TJP2: variants seen among roughly 807,000 people sequenced by gnomAD.
TJP2 encodes tight junction protein 2, also known as Friedreich ataxia region gene X104 (tight junction protein ZO-2).
In TJP2, 91 loss-of-function variants were observed where a neutral mutation model predicts 133.1. The ratio of observed to expected loss-of-function variants is 0.68; its 90% confidence interval spans 0.58 to 0.81. TJP2 has a LOEUF of 0.81. Ranked by LOEUF, TJP2 falls within the 40% of genes least tolerant of loss-of-function variation. The pLI is 0.00. For missense variants in TJP2, 1,541 were observed against 1,565.6 expected (o/e 0.98, Z 0.26); for synonymous variants, 592 against 583.4 (o/e 1.01, Z -0.21).
At position 69,174,490 on chromosome 9, in the gene TJP2, G is replaced by A. The variant is rs900351259; in HGVS notation, c.60+58G>A. ...GAGGGTCGTGAGCGTGAGCGTGGGA[G>A]CGCTGGGGGCTCTGCTCGCGTGCTG... On this transcript the variant is annotated intron_variant, in intron 1 of 22. Coordinates refer to ENST00000377245, the MANE Select transcript of TJP2 (RefSeq NM_004817.4). 1.4e-5 allele frequency: 21 copies of A among 1,510,562 alleles called. No individual in the cohort carries two copies. The African/African-American group carries it at 1.9e-4, about 14-fold the overall frequency. The allele number at this position is 1,510,562 out of a possible 1,614,324, so 93.6% of individuals were successfully genotyped here.
intron 1 of TJP2, among the ~76,000 whole-genome samples, chr9:69,184,443 G>A (rs1259204123): frequency 6.6e-6 from 1 of 152,190 alleles, no homozygotes; most frequent in Non-Finnish European, 1.5e-5. Context: ...TAAAGCTCAT[G>A]TCTGAGGAAT....
At chr9:69,159,208 G>A (rs1208906508) in intron 2 of TJP2, among the ~76,000 whole-genome samples, 1 of 152,032 alleles carries the variant, frequency 6.6e-6, no homozygotes, top group African/African-American at 2.4e-5. Flanking sequence ...CCAGCTACTT[G>A]GGGGTGCTGA....
intron 2 of TJP2, among the ~76,000 whole-genome samples, chr9:69,156,782 G>T (rs1268161563): frequency 6.6e-6 from 1 of 151,924 alleles, no homozygotes; most frequent in Non-Finnish European, 1.5e-5. Flanking sequence ...GCCTCCCAAA[G>T]TGCTGGGATT....
chr9:69,149,041 C>G (rs1823349059), intron 1 of TJP2, among the ~76,000 whole-genome samples: 1 of 152,196 alleles, frequency 6.6e-6, no homozygotes, highest in South Asian at 2.1e-4. Flanking sequence ...TTTACATTAT[C>G]TCTCAATACT....
At position 69,123,836 on chromosome 9, in the gene TJP2, AGTTT is replaced by A. The variant is rs2133211958; in HGVS notation, c.-131+2116_-131+2119del. ...TAGGTGTCCTGTTGATACTGGGTTT[AGTTT>A]GTTTTTGTTTTTTAATTATTTTATT... On this transcript the variant is annotated intron_variant, in intron 1 of 5. Transcript: ENST00000423935. 2.6e-5 allele frequency among the ~76,000 whole-genome samples: 2 copies of A among 75,936 alleles called. 1 individual carries two copies. Among genetic ancestry groups the A allele is most frequent in the East Asian group, 7.8e-4 (2 of 2,552 alleles). The allele number at this position is 75,936 out of a possible 152,430, so 49.8% of individuals were successfully genotyped here.
chr9:69,228,990 T>TA lies in TJP2; in HGVS notation c.1454-193dup, dbSNP rs147262838. ...CCTTGCATTTTAGAGGTTCATTTTT[T>TA]ATCTCTTGTATTTTGAGAAACCATT... On this transcript the variant is annotated intron_variant, in intron 9 of 22. Transcript: ENST00000377245. 0.088 allele frequency among the ~76,000 whole-genome samples: 13,362 copies of TA among 152,302 alleles called. 677 individuals carry two copies. The highest frequency in any genetic ancestry group is 0.13 in the African/African-American group (5,389 of 41,546).
rs139016331 is a variant in TJP2 at position 69,250,025 on chromosome 9, T to G, written c.2991+540T>G. Among the ~76,000 whole-genome samples, 23 of 152,336 alleles carry G rather than the reference T, an allele frequency of 1.5e-4. No homozygotes were observed. In the East Asian group the frequency reaches 4.2e-3, roughly 28 times the overall value. On this transcript the variant is annotated intron_variant, in intron 20 of 22. Coordinates refer to ENST00000377245, the MANE Select transcript of TJP2 (RefSeq NM_004817.4). ...GGCTTATATCAAAAGATTATTTACC[T>G]TTAGTCAGAATCAGAGCTGTGACTC... is the stretch of plus-strand genomic sequence containing the variant.
intron 6 of TJP2, among the ~76,000 whole-genome samples, 193 bp downstream of exon 6, chr9:69,225,600 G>A (rs1829284682): frequency 6.6e-6 from 1 of 152,018 alleles, no homozygotes; most frequent in Non-Finnish European, 1.5e-5. Context: ...TTTAATGTCA[G>A]TTTAGAAAAC....
At chr9:69,147,925 C>CT (rs71951691) in intron 1 of TJP2, among the ~76,000 whole-genome samples, 49 of 143,816 alleles carry the variant, frequency 3.4e-4, no homozygotes, top group Non-Finnish European at 5.5e-4. Flanking sequence ...TCACTGATCA[C>CT]TTTTTTTTTT....
rs762929920 is a variant in TJP2 at position 69,254,212 on chromosome 9, C to T, written c.3411C>T (p.Ser1137=). 1.2e-5 allele frequency: 20 copies of T among 1,614,048 alleles called. No homozygotes were observed. Among genetic ancestry groups the T allele is most frequent in the Non-Finnish European group, 2.5e-6 (3 of 1,180,020 alleles). The change falls in exon 23 of 23, where the codon TCC becomes TCT. Residue 1137 remains serine, a synonymous_variant. Coordinates refer to ENST00000377245, the MANE Select transcript of TJP2 (RefSeq NM_004817.4). The stretch of plus-strand genomic sequence containing the variant: ...TTTAACACCCTTTTTTTGTTAGTTC[C>T]AGACCCCCTGAGCCACAGAAAGCTC... ...PDPGTPQHTS[S]RPPEPQKAPS...
chr9:69,207,358 G>T (rs2133171465), intron 1 of TJP2, among the ~76,000 whole-genome samples: 1 of 152,254 alleles, frequency 6.6e-6, no homozygotes. Context: ...TGTTTGAGAT[G>T]CATCCCTTTT....
At chr9:69,246,422 A>C (rs960972018) in intron 17 of TJP2, 4 of 431,496 alleles carry the variant, frequency 9.3e-6, no homozygotes, top group East Asian at 5.1e-5. Flanking sequence ...AACATTTTTA[A>C]AAGTTAGCCT....
At chr9:69,198,794 G>T (rs1269275125) in intron 1 of TJP2, among the ~76,000 whole-genome samples, 1 of 152,230 alleles carries the variant, frequency 6.6e-6, no homozygotes, top group African/African-American at 2.4e-5. Context: ...TGGAATAAAC[G>T]ATGAAAGGGT....
chr9:69,232,159 G>A (rs1236197682), intron 11 of TJP2, among the ~76,000 whole-genome samples: 2 of 152,152 alleles, frequency 1.3e-5, no homozygotes, highest in Non-Finnish European at 2.9e-5. Context: ...CTGGCAACAC[G>A]GAAGGAACTC....
chr9:69,144,567 C>G (rs1469435896), intron 1 of TJP2, among the ~76,000 whole-genome samples: 1 of 152,142 alleles, frequency 6.6e-6, no homozygotes, highest in African/African-American at 2.4e-5. Context: ...CTCAGAGTGA[C>G]AAACTCAACT....
intron 1 of TJP2, among the ~76,000 whole-genome samples, chr9:69,134,680 C>T (rs905663269): frequency 1.1e-4 from 16 of 152,206 alleles, no homozygotes; most frequent in African/African-American, 3.9e-4. Flanking sequence ...ACCCAGCGAG[C>T]TGAAAGACCT....
chr9:69,229,567 A>G (rs1829612972), intron 10 of TJP2, among the ~76,000 whole-genome samples: 1 of 152,220 alleles, frequency 6.6e-6, no homozygotes, highest in Non-Finnish European at 1.5e-5. Context: ...TTTATTGCTA[A>G]ACTACGGTGC....
At chr9:69,253,008 T>C (rs1831453673) in intron 22 of TJP2, 108 bp downstream of exon 22, 2 of 986,626 alleles carry the variant, frequency 2.0e-6, no homozygotes, top group Non-Finnish European at 1.6e-6. Context: ...GAGGATTTTT[T>C]CCCCACAGAT....
chr9:69,142,863 G>A (rs972594771), intron 1 of TJP2, among the ~76,000 whole-genome samples: 2 of 152,144 alleles, frequency 1.3e-5, no homozygotes, highest in African/African-American at 4.8e-5. Flanking sequence ...ATGATTTTTA[G>A]TTAATAGTTC....
Sources: gnomAD v4.1 joint callset for allele counts (sites outside exome capture counted in the v4.1 genomes callset) on GRCh38, gnomAD v4.1.1 for gene constraint, MANE v1.5 for transcripts, NCBI Gene and HGNC (gene_info 2026-07-23, HGNC 2026-07-21) for gene names.